Variants in EBF2 observed in about 807,000 individuals in gnomAD.
EBF2 encodes transcription factor COE2.
EBF2 carries 21 observed loss-of-function variants against 72.8 expected under a neutral mutation model. That is an observed-to-expected ratio of 0.29 (90% CI 0.20 to 0.42). The LOEUF is 0.42. Among genes scored for constraint, EBF2 ranks in the 10% least tolerant of loss-of-function variants. The probability of loss-of-function intolerance (pLI) is 1.00; values close to 1 mark genes in which losing one functional copy is unlikely to be tolerated. For missense variants in EBF2, 637 were observed against 731.2 expected (o/e 0.87, Z 1.49); for synonymous variants, 299 against 274.2 (o/e 1.09, Z -0.89).
intron 7 of EBF2, among the ~76,000 whole-genome samples, chr8:25,907,517 C>T (rs930261149): frequency 6.6e-6 from 1 of 150,916 alleles, no homozygotes; most frequent in African/African-American, 2.4e-5. Flanking sequence ...GTGTCGCATG[C>T]CCACAGTGTG....
At chr8:25,904,365 A>G (rs1260976735) in intron 7 of EBF2, among the ~76,000 whole-genome samples, 1 of 151,864 alleles carries the variant, frequency 6.6e-6, no homozygotes, top group Non-Finnish European at 1.5e-5. Context: ...CTTGAAAATA[A>G]CCTTGATGTA....
intron 6 of EBF2, among the ~76,000 whole-genome samples, chr8:25,967,556 C>G (rs1324524545): frequency 5.3e-5 from 8 of 152,164 alleles, no homozygotes; most frequent in Non-Finnish European, 1.2e-4. Context: ...TTATTGAATA[C>G]TGTACTGAAA....
chr8:25,910,265 G>A (rs1242512150), intron 6 of EBF2, among the ~76,000 whole-genome samples: 1 of 152,196 alleles, frequency 6.6e-6, no homozygotes, highest in African/African-American at 2.4e-5. Flanking sequence ...AGCAGAGTCA[G>A]CCACGGACAC....
chr8:26,005,557 T>TAGAGAGAGAG lies in EBF2; in HGVS notation c.551+27527_551+27528insCTCTCTCTCT, dbSNP rs1480763824. Among the ~76,000 whole-genome samples, 75 of 45,060 alleles carry TAGAGAGAGAG rather than the reference T, an allele frequency of 1.7e-3. 1 individual carries two copies. The highest frequency in any genetic ancestry group is 7.2e-3 in the East Asian group (8 of 1,112). The allele number at this position is 45,060 out of a possible 152,430, so 29.6% of individuals were successfully genotyped here. A position where few individuals can be genotyped will look rare whatever the true frequency, so the allele number is the denominator to read the frequency against. ...TATATATATTTTATATATATATATA[T>TAGAGAGAGAG]ATATAGAGAGAGAGAGAGAGAGGTA... is the stretch of plus-strand genomic sequence containing the variant. On this transcript the variant is annotated intron_variant, in intron 6 of 15. Transcript: ENST00000520164.
chr8:26,033,498 G>A (rs1227597985), intron 5 of EBF2, among the ~76,000 whole-genome samples: 5 of 152,214 alleles, frequency 3.3e-5, no homozygotes, highest in Non-Finnish European at 7.3e-5. Context: ...CCAAAGTGCT[G>A]GGATTACTGG....
chr8:26,001,796 G>T (rs994377606), intron 6 of EBF2, among the ~76,000 whole-genome samples: 1 of 151,996 alleles, frequency 6.6e-6, no homozygotes, highest in African/African-American at 2.4e-5. Context: ...TGATCTGCCC[G>T]CCTCGGCCTC....
intron 7 of EBF2, among the ~76,000 whole-genome samples, chr8:25,890,899 A>G (rs185627736): frequency 6.6e-6 from 1 of 152,298 alleles, no homozygotes; most frequent in Admixed American, 6.5e-5. Context: ...AATACATATA[A>G]AGGATTCAGC....
intron 6 of EBF2, among the ~76,000 whole-genome samples, chr8:26,004,701 T>G (rs988772335): frequency 1.1e-4 from 10 of 91,252 alleles, no homozygotes; most frequent in South Asian, 6.7e-4. Context: ...AAAAAAAAAG[T>G]AGGTTTAAAA....
At chr8:26,021,228 A>C (rs1372828030) in intron 6 of EBF2, among the ~76,000 whole-genome samples, 2 of 152,260 alleles carry the variant, frequency 1.3e-5, no homozygotes, top group East Asian at 3.9e-4. Context: ...GAACATGAGG[A>C]GGGAGTCTGT....
chr8:25,960,612 A>T (rs1413618783), intron 6 of EBF2, among the ~76,000 whole-genome samples: 3 of 152,146 alleles, frequency 2.0e-5, no homozygotes, highest in Non-Finnish European at 2.9e-5. Flanking sequence ...CTGGGGGCAC[A>T]TGTAGATGCG....
chr8:25,980,614 G>A (rs1045822638), intron 6 of EBF2, among the ~76,000 whole-genome samples: 16 of 151,734 alleles, frequency 1.1e-4, no homozygotes, highest in Admixed American at 4.6e-4. Flanking sequence ...AATAAATATC[G>A]AATTATACAC....
intron 6 of EBF2, among the ~76,000 whole-genome samples, chr8:25,925,746 G>A (rs1803375304): frequency 6.6e-6 from 1 of 152,168 alleles, no homozygotes; most frequent in Non-Finnish European, 1.5e-5. Context: ...GCAGCTGCCT[G>A]TGAGTCACGA....
chr8:25,887,837 C>T lies in EBF2; in HGVS notation c.882+5G>A, dbSNP rs772351738. ...AATCAGAGTAAGCCTGTTGCCTCTGCTTACCTCGCTCCATACAAGCATAGT... is the reference window on the plus strand; with the variant it reads ...AATCAGAGTAAGCCTGTTGCCTCTGTTTACCTCGCTCCATACAAGCATAGT... On this transcript the variant is annotated splice_donor_5th_base_variant and intron_variant, in intron 9 of 15. Transcript: ENST00000520164. 4 of 1,594,450 alleles carry T rather than the reference C, an allele frequency of 2.5e-6. No homozygotes were observed. The highest frequency in any genetic ancestry group is 2.6e-6 in the Non-Finnish European group (3 of 1,171,680).
chr8:25,895,097 G>A (rs891822210), intron 7 of EBF2, among the ~76,000 whole-genome samples: 3 of 152,188 alleles, frequency 2.0e-5, no homozygotes, highest in Non-Finnish European at 4.4e-5. Flanking sequence ...CCCAGTTTCT[G>A]CTGCTGACAC....
At chr8:26,034,984 A>G (rs934960529) in intron 5 of EBF2, among the ~76,000 whole-genome samples, 5 of 152,188 alleles carry the variant, frequency 3.3e-5, no homozygotes, top group African/African-American at 1.2e-4. Flanking sequence ...GAATAAAGTG[A>G]AAGTGTTGGA....
At chr8:25,980,093 T>C (rs1039034890) in intron 6 of EBF2, among the ~76,000 whole-genome samples, 1 of 152,148 alleles carries the variant, frequency 6.6e-6, no homozygotes. Flanking sequence ...AGCAATGAAA[T>C]ACAGATCCTG....
chr8:25,967,901 A>C (rs1210168696), intron 6 of EBF2, among the ~76,000 whole-genome samples: 3 of 152,262 alleles, frequency 2.0e-5, no homozygotes, highest in Non-Finnish European at 2.9e-5. Flanking sequence ...TGAGAAGATT[A>C]AATGAGGTTT....
chr8:26,042,459 T>G (rs926902381), intron 1 of EBF2, among the ~76,000 whole-genome samples: 2 of 152,266 alleles, frequency 1.3e-5, no homozygotes, highest in Middle Eastern at 3.4e-3. Flanking sequence ...GTGGCAGGGT[T>G]GATACCTGGG....
chr8:26,001,983 A>G (rs1202079408), intron 6 of EBF2, among the ~76,000 whole-genome samples: 2 of 152,228 alleles, frequency 1.3e-5, no homozygotes, highest in Non-Finnish European at 2.9e-5. Flanking sequence ...ACTGAAATGC[A>G]TTAAACTCAC....
Sources: gnomAD v4.1 joint callset for allele counts (sites outside exome capture counted in the v4.1 genomes callset) on GRCh38, gnomAD v4.1.1 for gene constraint, MANE v1.5 for transcripts, NCBI Gene and HGNC (gene_info 2026-07-23, HGNC 2026-07-21) for gene names.